Variants in MCPH1 observed in about 807,000 individuals in gnomAD.
The protein encoded by MCPH1 is microcephalin.
In MCPH1, 104 loss-of-function variants were observed where a neutral mutation model predicts 84.5. The ratio of observed to expected loss-of-function variants is 1.23; its 90% confidence interval spans 1.05 to 1.45. The LOEUF (loss-of-function observed/expected upper bound fraction) is 1.45, where lower values mean the gene tolerates loss of function less well. Among genes scored for constraint, MCPH1 ranks in the 40% most tolerant of loss-of-function variants. MCPH1 has a pLI of 0.00. For synonymous variants in MCPH1, 514 were observed against 366.8 expected (o/e 1.40, Z -4.58); for missense variants, 1,498 against 1,005.7 (o/e 1.49, Z -6.62).
In MCPH1 at chr8:6,445,401, G is replaced by C; in HGVS notation, c.1679G>C (p.Ser560Thr). The change falls in exon 8 of 14, where the codon AGC (serine) becomes ACC (threonine). Residue 560 changes from serine (S) to threonine (T), a missense_variant. Physicochemically the swap from Ser to Thr is moderately conservative, Grantham distance 58. Coordinates refer to ENST00000344683, the MANE Select transcript of MCPH1 (RefSeq NM_024596.5). The stretch of plus-strand genomic sequence containing the variant: ...ATGAAAGAAGCGGTTGGTCTGAAAA[G>C]CACACAGAACAAAGGTACCACTTCC... ...EEMKEAVGLK[S>T]TQNKGTTSKI... The C allele has an allele frequency of 1.2e-6, 2 of 1,614,248 alleles. No individual in the cohort carries two copies. Among genetic ancestry groups the C allele is most frequent in the African/African-American group, 2.7e-5 (2 of 75,064 alleles).
intron 12 of MCPH1, among the ~76,000 whole-genome samples, chr8:6,601,728 AT>A (rs1170636148): frequency 2.2e-5 from 3 of 135,312 alleles, no homozygotes; most frequent in Non-Finnish European, 4.7e-5. Flanking sequence ...CACACACCCA[AT>A]CACATACCAC....
chr8:6,624,591 G>A (rs2433152), intron 13 of MCPH1, among the ~76,000 whole-genome samples: 3,055 of 152,182 alleles, frequency 0.02, 92 homozygotes, highest in African/African-American at 0.068. Flanking sequence ...AGCTATGTAC[G>A]AATAAAGAAG....
At chr8:6,499,226 A>G (rs1811689093) in intron 11 of MCPH1, among the ~76,000 whole-genome samples, 1 of 152,142 alleles carries the variant, frequency 6.6e-6, no homozygotes, top group Non-Finnish European at 1.5e-5. Context: ...ATATTACTGA[A>G]TTAAAAAGGA....
intron 12 of MCPH1, among the ~76,000 whole-genome samples, chr8:6,572,305 C>T (rs2515515): frequency 0.98 from 149,723 of 152,320 alleles, 73,638 homozygotes; most frequent in East Asian, 1. Context: ...TCACCTTTTT[C>T]ATTTATAGAT....
intron 12 of MCPH1, among the ~76,000 whole-genome samples, chr8:6,525,386 C>T (rs187149427): frequency 2.6e-5 from 4 of 152,190 alleles, no homozygotes; most frequent in East Asian, 1.9e-4. Flanking sequence ...TGTGCCACCA[C>T]ATCTGGCTAA....
intron 9 of MCPH1, among the ~76,000 whole-genome samples, chr8:6,476,849 A>G (rs1808525188): frequency 6.6e-6 from 1 of 152,200 alleles, no homozygotes; most frequent in Admixed American, 6.5e-5. Flanking sequence ...TTTTGTTTAT[A>G]TATGTATATG....
At chr8:6,586,546 C>T (rs1168452371) in intron 12 of MCPH1, among the ~76,000 whole-genome samples, 1 of 152,168 alleles carries the variant, frequency 6.6e-6, no homozygotes, top group Non-Finnish European at 1.5e-5. Context: ...AGTTATTGAG[C>T]ATCTACCCAC....
rs1486762377 is a variant in MCPH1 at position 6,629,647 on chromosome 8, G to GA, written c.2452+7962dup. On this transcript the variant is annotated intron_variant, in intron 13 of 13. Coordinates refer to ENST00000344683, the MANE Select transcript of MCPH1 (RefSeq NM_024596.5). ...TGGACTTCCTGCCCTCCAGAACTGTGAAAAAATACATGTCTGCTGTTTAAG... is the reference window on the plus strand; with the variant it reads ...TGGACTTCCTGCCCTCCAGAACTGTGAAAAAAATACATGTCTGCTGTTTAAG... 2.6e-5 allele frequency among the ~76,000 whole-genome samples: 4 copies of GA among 152,066 alleles called. No individual in the cohort carries two copies. The East Asian group carries it at 5.8e-4, about 22-fold the overall frequency.
At chr8:6,577,101 G>A (rs908578987) in intron 12 of MCPH1, among the ~76,000 whole-genome samples, 2 of 152,154 alleles carry the variant, frequency 1.3e-5, no homozygotes, top group Admixed American at 6.5e-5. Context: ...CAGCCACTGG[G>A]TTCCTGCTGC....
In MCPH1 at chr8:6,409,355, G is replaced by A; in HGVS notation, c.99G>A (p.Val33=). ...NYSKTFTTQL[V]DMGAKVSKTF... is the part of the protein sequence containing the mutation. ...CAAAGACATTTACAACACAGCTTGT[G>A]GATATGGGGGCAAAGGTAAGACACT... Residue 33 remains valine (V), a synonymous_variant, in exon 2 of 14, where the codon GTG becomes GTA. Coordinates refer to ENST00000344683, the MANE Select transcript of MCPH1 (RefSeq NM_024596.5). 1.9e-6 allele frequency: 3 copies of A among 1,613,264 alleles called. No individual in the cohort carries two copies. Among genetic ancestry groups the A allele is most frequent in the East Asian group, 4.5e-5 (2 of 44,870 alleles).
intron 12 of MCPH1, among the ~76,000 whole-genome samples, chr8:6,559,854 G>T (rs2959768): frequency 0.089 from 13,483 of 152,230 alleles, 1,540 homozygotes; most frequent in African/African-American, 0.27. Context: ...GTGTGCTAGC[G>T]ATCATGAGTT....
intron 12 of MCPH1, among the ~76,000 whole-genome samples, chr8:6,505,918 G>GTA (rs1294757481): frequency 2.7e-5 from 2 of 72,772 alleles, no homozygotes; most frequent in African/African-American, 9.1e-5. Flanking sequence ...CTTTATATAT[G>GTA]TATATATAAA....
At position 6,444,822 on chromosome 8, in the gene MCPH1, C is replaced by G. The variant is rs190026099; in HGVS notation, c.1100C>G (p.Pro367Arg). ...KRVSHGSHSPPKEKCKRKRST... is the reference protein window; with the variant it reads ...KRVSHGSHSPRKEKCKRKRST... Reference sequence around the variant, plus strand: ...GTATCACATGGCTCCCATTCACCTCCGAAGGAAAAATGCAAGAGAAAGAGG... The same window carrying G: ...GTATCACATGGCTCCCATTCACCTCGGAAGGAAAAATGCAAGAGAAAGAGG... The change falls in exon 8 of 14, where the codon CCG becomes CGG. Residue 367 changes from proline (P) to arginine (R), a missense_variant. By Grantham distance (103) the Pro-to-Arg change is moderately radical. Coordinates refer to ENST00000344683, the MANE Select transcript of MCPH1 (RefSeq NM_024596.5). 8 of 1,614,062 alleles carry G rather than the reference C, an allele frequency of 5.0e-6. No individual in the cohort carries two copies. The Admixed American group carries it at 6.7e-5, about 13-fold the overall frequency.
At chr8:6,599,203 C>T (rs995364268) in intron 12 of MCPH1, among the ~76,000 whole-genome samples, 3 of 152,136 alleles carry the variant, frequency 2.0e-5, no homozygotes, top group African/African-American at 7.2e-5. Context: ...ACGTGATTAC[C>T]TAAAAGGAAT....
At chr8:6,468,554 A>G (rs1585946704) in intron 9 of MCPH1, among the ~76,000 whole-genome samples, 1 of 152,118 alleles carries the variant, frequency 6.6e-6, no homozygotes, top group African/African-American at 2.4e-5. Flanking sequence ...CGAGTTTGCT[A>G]GATGAAACAT....
intron 9 of MCPH1, among the ~76,000 whole-genome samples, chr8:6,458,428 T>C (rs1158553374): frequency 6.8e-6 from 1 of 147,440 alleles, no homozygotes; most frequent in Non-Finnish European, 1.5e-5. Context: ...GCTGAGATCG[T>C]GCCACTGCAT....
intron 10 of MCPH1, among the ~76,000 whole-genome samples, chr8:6,479,420 ATTT>A: frequency 6.8e-6 from 1 of 146,626 alleles, no homozygotes; most frequent in Non-Finnish European, 1.5e-5. Flanking sequence ...TTATTTATTT[ATTT>A]ATTTATTTAT....
At chr8:6,585,375 G>C (rs187617006) in intron 12 of MCPH1, among the ~76,000 whole-genome samples, 35 of 152,228 alleles carry the variant, frequency 2.3e-4, no homozygotes, top group African/African-American at 8.4e-4. Flanking sequence ...GAGAAGCTGT[G>C]TGTGGCCACC....
chr8:6,419,310 C>G (rs1457661615), intron 3 of MCPH1, among the ~76,000 whole-genome samples: 2 of 152,136 alleles, frequency 1.3e-5, no homozygotes, highest in African/African-American at 4.8e-5. Flanking sequence ...GCCTTGACCT[C>G]TAAGGCTCAA....
Sources: allele counts gnomAD v4.1 joint callset (sites outside exome capture counted in the v4.1 genomes callset), GRCh38; gene constraint gnomAD v4.1.1; transcripts MANE v1.5; gene names NCBI Gene and HGNC (gene_info 2026-07-23, HGNC 2026-07-21).